Variants in RNF169 observed in about 807,000 individuals in gnomAD.
The protein encoded by RNF169 is ring finger protein 169.
In RNF169, 24 loss-of-function variants were observed where a neutral mutation model predicts 53.9. That is an observed-to-expected ratio of 0.45 (90% CI 0.32 to 0.63). The LOEUF is 0.63. Among genes scored for constraint, RNF169 ranks in the 20% least tolerant of loss-of-function variants. The probability of loss-of-function intolerance (pLI) is 0.04; values close to 1 mark genes in which losing one functional copy is unlikely to be tolerated. For synonymous variants in RNF169, 396 were observed against 363.5 expected, an observed-to-expected ratio of 1.09 and a Z score of -1.02; for missense variants, 883 against 906.2, an observed-to-expected ratio of 0.97 and a Z score of 0.33.
At chr11:74,760,591 G>A (rs1267874751) in intron 1 of RNF169, among the ~76,000 whole-genome samples, 18 of 151,684 alleles carry the variant, frequency 1.2e-4, no homozygotes, top group African/African-American at 4.3e-4. Flanking sequence ...TCAGGAGCAG[G>A]TTGTTCAGTT....
At chr11:74,812,945 TC>T (rs2035894151) in intron 3 of RNF169, among the ~76,000 whole-genome samples, 1 of 152,198 alleles carries the variant, frequency 6.6e-6, no homozygotes, top group Admixed American at 6.5e-5. Flanking sequence ...ATATTTGCTT[TC>T]CCCCAAATAC....
intron 2 of RNF169, among the ~76,000 whole-genome samples, chr11:74,803,820 T>C (rs1282408119): frequency 6.6e-6 from 1 of 152,242 alleles, no homozygotes; most frequent in African/African-American, 2.4e-5. Context: ...AAGATAAATA[T>C]TAATAATTTT....
At chr11:74,780,633 T>G (rs1398133744) in intron 1 of RNF169, among the ~76,000 whole-genome samples, 1 of 152,250 alleles carries the variant, frequency 6.6e-6, no homozygotes, top group Non-Finnish European at 1.5e-5. Flanking sequence ...GGCTTGTAGT[T>G]TCATCATGAA....
At chr11:74,749,968 T>A (rs2034860845) in intron 1 of RNF169, among the ~76,000 whole-genome samples, 1 of 152,212 alleles carries the variant, frequency 6.6e-6, no homozygotes, top group African/African-American at 2.4e-5. Flanking sequence ...AGTAAGTGAC[T>A]GTCGTTTATA....
At chr11:74,768,520 T>A (rs2035209473) in intron 1 of RNF169, among the ~76,000 whole-genome samples, 1 of 152,028 alleles carries the variant, frequency 6.6e-6, no homozygotes, top group African/African-American at 2.4e-5. Context: ...GACAGGAGAT[T>A]CGCTTTAACC....
intron 2 of RNF169, among the ~76,000 whole-genome samples, chr11:74,803,436 T>C (rs903031700): frequency 6.6e-6 from 1 of 152,174 alleles, no homozygotes; most frequent in Admixed American, 6.5e-5. Context: ...AGATATGTTC[T>C]GGGTGTTATG....
chr11:74,789,497 G>C, intron 1 of RNF169, 129 bp from the exon 2 acceptor site: 1 of 582,140 alleles, frequency 1.7e-6, no homozygotes, highest in Non-Finnish European at 3.1e-6. Context: ...TAGTATTTAA[G>C]ACTTAGCGTT....
Position 74,749,159 on chromosome 11 carries a change from A to T in RNF169, c.279A>T (p.Gln93His), listed in dbSNP as rs766525646. The T allele has an allele frequency of 1.4e-4, 180 of 1,254,498 alleles. No individual in the cohort carries two copies. Among genetic ancestry groups the T allele is most frequent in the South Asian group, 1.1e-3 (36 of 32,920 alleles). 77.7% of individuals were successfully genotyped at this position (1,254,498 alleles called of 1,614,324 possible). ...CGHSLCRGCA[Q>H]RAADAAGPGC... is the part of the protein sequence containing the mutation. ...ACTCGCTTTGCCGAGGCTGCGCCCA[A>T]CGCGCCGCCGACGCGGCGGGCCCGG... The change falls in exon 1 of 6, where the codon CAA (glutamine) becomes CAT (histidine). Residue 93 changes from glutamine (Q) to histidine (H), a missense_variant. Physicochemically the swap from Gln to His is conservative, Grantham distance 24. Around this residue, in one of 3 missense-constraint regions of RNF169, gnomAD observed 313 missense variants for 279.9 expected, o/e 1.12. Coordinates refer to ENST00000299563, the MANE Select transcript of RNF169 (RefSeq NM_001098638.2).
In RNF169 at chr11:74,749,057, G is replaced by C. The variant is rs1270242872; in HGVS notation, c.177G>C (p.Leu59=). The change falls in exon 1 of 6, where the codon CTG becomes CTC. Residue 59 remains leucine (L), a synonymous_variant. Coordinates refer to ENST00000299563, the MANE Select transcript of RNF169 (RefSeq NM_001098638.2). ...CGCCGCCGTTGCTGCAGCCGCCGCTGCCGCCGCGGCCGGAGGAATCGGGCT... is the reference window on the plus strand; with the variant it reads ...CGCCGCCGTTGCTGCAGCCGCCGCTCCCGCCGCGGCCGGAGGAATCGGGCT... ...VLSPPLLQPP[L]PPRPEESGCA... The C allele has an allele frequency of 1.4e-6, 2 of 1,467,478 alleles. No homozygotes were observed. The highest frequency in any genetic ancestry group is 1.8e-6 in the Non-Finnish European group (2 of 1,108,406). 90.9% of individuals were successfully genotyped at this position (1,467,478 alleles called of 1,614,324 possible). A position where few individuals can be genotyped will look rare whatever the true frequency, so the allele number is the denominator to read the frequency against.
rs754119902 is a variant in RNF169, at chr11:74,765,717, G to A, written c.502+16335G>A. Among the ~76,000 whole-genome samples, 6 of 151,780 alleles carry A rather than the reference G, an allele frequency of 4.0e-5. 1 individual carries two copies. The highest frequency in any genetic ancestry group is 2.6e-4 in the Admixed American group (4 of 15,246). On this transcript the variant is annotated intron_variant, in intron 1 of 5. Transcript: ENST00000299563. ...CTTGGGAGGCTGAGGCAGGAGAATC[G>A]CTTGAACCCAGGATGTGGAGGTTAC...
chr11:74,822,287 T>G (rs145215304), intron 4 of RNF169, among the ~76,000 whole-genome samples: 1 of 152,286 alleles, frequency 6.6e-6, no homozygotes, highest in East Asian at 1.9e-4. Context: ...CTTTAAGCAG[T>G]GTTTTGTAAG....
chr11:74,797,021 T>C (rs1384242361), intron 2 of RNF169, among the ~76,000 whole-genome samples: 1 of 152,212 alleles, frequency 6.6e-6, no homozygotes, highest in East Asian at 1.9e-4. Context: ...CCTGGCCTTC[T>C]GGTTCATTTT....
intron 1 of RNF169, among the ~76,000 whole-genome samples, chr11:74,759,771 CT>C (rs1219415454): frequency 6.7e-6 from 1 of 149,280 alleles, no homozygotes; most frequent in Non-Finnish European, 1.5e-5. Context: ...CTAAAATTCT[CT>C]TTTTTGGTTG....
chr11:74,812,397 C>T (rs2035886903), intron 3 of RNF169, among the ~76,000 whole-genome samples: 1 of 152,136 alleles, frequency 6.6e-6, no homozygotes, highest in Non-Finnish European at 1.5e-5. Context: ...CAGGGTCAAG[C>T]AATTCTCTCT....
At chr11:74,793,298 A>C (rs760704382) in intron 2 of RNF169, among the ~76,000 whole-genome samples, 3 of 152,252 alleles carry the variant, frequency 2.0e-5, no homozygotes, top group Non-Finnish European at 2.9e-5. Context: ...AACAGATCTC[A>C]GTAGATCTTC....
chr11:74,815,127 G>A (rs1163588816), intron 3 of RNF169, among the ~76,000 whole-genome samples: 1 of 151,916 alleles, frequency 6.6e-6, no homozygotes. Context: ...GGAATCCATA[G>A]TACCTTGGGG....
intron 1 of RNF169, among the ~76,000 whole-genome samples, chr11:74,783,331 C>T (rs1330336022): frequency 6.6e-6 from 1 of 151,658 alleles, no homozygotes; most frequent in Non-Finnish European, 1.5e-5. Context: ...TATAGCTGTT[C>T]CTGTAATTCA....
chr11:74,835,949 A>T lies in RNF169; in HGVS notation c.1346A>T (p.Lys449Ile), dbSNP rs778150382. Residue 449 changes from lysine to isoleucine, a missense_variant, in exon 6 of 6, where the codon AAA (lysine) becomes ATA (isoleucine). Transcript: ENST00000299563. ...QERQIKKTLS[K>I]ATLTSLAPEM... Reference sequence around the variant, plus strand: ...CGGCAGATCAAAAAGACCCTTTCAAAAGCCACTCTTACCTCTCTGGCTCCT... The same window carrying T: ...CGGCAGATCAAAAAGACCCTTTCAATAGCCACTCTTACCTCTCTGGCTCCT... 1.2e-6 allele frequency: 2 copies of T among 1,614,202 alleles called. No homozygotes were observed. Among genetic ancestry groups the T allele is most frequent in the South Asian group, 2.2e-5 (2 of 91,086 alleles).
intron 2 of RNF169, among the ~76,000 whole-genome samples, chr11:74,793,330 G>A (rs536729543): frequency 3.7e-4 from 56 of 152,182 alleles, no homozygotes; most frequent in African/African-American, 1.3e-3. Context: ...CTGAGCAAAG[G>A]AAGATAAGTG....
Sources: gnomAD v4.1 joint callset for allele counts (sites outside exome capture counted in the v4.1 genomes callset) on GRCh38, gnomAD v4.1.1 for gene constraint, gnomAD v4.1.1 regional missense constraint, MANE v1.5 for transcripts, NCBI Gene and HGNC (gene_info 2026-07-23, HGNC 2026-07-21) for gene names.